Variants in C11orf54 observed in about 807,000 individuals in gnomAD.
C11orf54 encodes beta-keto-L-gulonate decarboxylase, also known as beta-keto L-gulonate decarboxylase.
C11orf54 carries 29 observed loss-of-function variants against 35.5 expected under a neutral mutation model. That is an observed-to-expected ratio of 0.82 (90% CI 0.61 to 1.11). The LOEUF (loss-of-function observed/expected upper bound fraction) is 1.11, where lower values mean the gene tolerates loss of function less well. Among genes scored for constraint, C11orf54 ranks in the 50% most tolerant of loss-of-function variants. C11orf54 has a pLI of 0.00. For synonymous variants in C11orf54, 108 were observed against 121.1 expected (o/e 0.89, Z 0.71); for missense variants, 373 against 369.2 (o/e 1.01, Z -0.08).
chr11:93,753,120 T>C (rs1942934847), intron 3 of C11orf54, among the ~76,000 whole-genome samples: 1 of 152,002 alleles, frequency 6.6e-6, no homozygotes, highest in Non-Finnish European at 1.5e-5. Flanking sequence ...GTAGCTGGGA[T>C]TATAGGCTCC....
intron 6 of C11orf54, among the ~76,000 whole-genome samples, chr11:93,755,752 C>CA (rs11452678): frequency 0.61 from 66,954 of 109,654 alleles, 18,421 homozygotes; most frequent in Admixed American, 0.7. Flanking sequence ...GACTCTGTCT[C>CA]AAAAAAAAAA....
intron 1 of C11orf54, among the ~76,000 whole-genome samples, chr11:93,745,196 G>A (rs1942391717): frequency 6.6e-6 from 1 of 152,136 alleles, no homozygotes; most frequent in Non-Finnish European, 1.5e-5. Flanking sequence ...GGAAACAGAG[G>A]CCTTCCTCTT....
In C11orf54 at chr11:93,750,372, T is replaced by C; in HGVS notation, c.82T>C (p.Phe28Leu). The stretch of plus-strand genomic sequence containing the variant: ...TATGCAGAAGGGGTTAAAAGATAAC[T>C]TTGCTGATGTCCAGGTCTCTGTAGT... Reference protein sequence around the residue: ...GVMQKGLKDNFADVQVSVVDC... With the variant: ...GVMQKGLKDNLADVQVSVVDC... Residue 28 changes from phenylalanine (F) to leucine (L), a missense_variant, in exon 3 of 9, where the codon TTT becomes CTT. Physicochemically the swap from Phe to Leu is conservative, Grantham distance 22. Transcript: ENST00000354421. The C allele has an allele frequency of 6.2e-7, 1 of 1,613,822 alleles. No homozygotes were observed.
At chr11:93,758,877 G>C (rs1000698233) in intron 7 of C11orf54, among the ~76,000 whole-genome samples, 20 of 152,252 alleles carry the variant, frequency 1.3e-4, no homozygotes, top group African/African-American at 4.6e-4. Flanking sequence ...GCCAGGGAAG[G>C]CCTGAAGGCT....
chr11:93,760,045 C>G (rs2135676127), intron 8 of C11orf54, among the ~76,000 whole-genome samples, 187 bp downstream of exon 8: 1 of 152,290 alleles, frequency 6.6e-6, no homozygotes, highest in Non-Finnish European at 1.5e-5. Context: ...CTCCTGGGTT[C>G]AAGCGATTCT....
Position 93,761,542 on chromosome 11 carries a change from C to A in C11orf54, c.802C>A (p.His268Asn). 1 of 1,610,720 alleles carries A rather than the reference C, an allele frequency of 6.2e-7. No homozygotes were observed. Among genetic ancestry groups the A allele is most frequent in the East Asian group, 2.2e-5 (1 of 44,702 alleles). Residue 268 changes from histidine (H) to asparagine (N), a missense_variant, in exon 9 of 9, where the codon CAT becomes AAT. Physicochemically the swap from His to Asn is moderately conservative, Grantham distance 68 (BLOSUM62 1). Transcript: ENST00000354421. ...GTTTGATTTGCGACTGGAGCACACTCATTTTTTTAGTCGTCATGGAGAAGG... is the reference window on the plus strand; with the variant it reads ...GTTTGATTTGCGACTGGAGCACACTAATTTTTTTAGTCGTCATGGAGAAGG... ...PGFDLRLEHT[H>N]FFSRHGEGGH...
intron 3 of C11orf54, 78 bp from the exon 4 acceptor site, chr11:93,753,604 G>A (rs1942958908): frequency 6.4e-6 from 8 of 1,253,354 alleles, no homozygotes; most frequent in South Asian, 2.5e-5. Flanking sequence ...GTTATATACT[G>A]TTGGCATTTT....
chr11:93,743,417 T>A (rs1942261074), intron 1 of C11orf54, among the ~76,000 whole-genome samples: 1 of 152,216 alleles, frequency 6.6e-6, no homozygotes. Flanking sequence ...GCGGCTGCGG[T>A]GCCTCACTTA....
chr11:93,750,529 A>G, intron 3 of C11orf54, 85 bp downstream of exon 3: 1 of 1,053,712 alleles, frequency 9.5e-7, no homozygotes, highest in Admixed American at 2.0e-5. Context: ...ATCTTAAATT[A>G]TCTACAAATA....
chr11:93,750,531 C>A, intron 3 of C11orf54, 87 bp downstream of exon 3: 1 of 1,047,074 alleles, frequency 9.6e-7, no homozygotes, highest in Non-Finnish European at 1.4e-6. Flanking sequence ...CTTAAATTAT[C>A]TACAAATAAA....
chr11:93,750,290 C>A, intron 2 of C11orf54, 56 bp from the exon 3 acceptor site: 1 of 1,395,406 alleles, frequency 7.2e-7, no homozygotes, highest in East Asian at 2.3e-5. Flanking sequence ...ACTTTTGATA[C>A]GTGGTAGCCA....
chr11:93,758,199 T>G lies in C11orf54; in HGVS notation c.657+734T>G, dbSNP rs137875044. Among the ~76,000 whole-genome samples the G allele has an allele frequency of 3.8e-3, 584 of 152,234 alleles. 9 individuals carry two copies. Among genetic ancestry groups the G allele is most frequent in the African/African-American group, 0.013 (558 of 41,536 alleles). ...GGCACGGCTGAGGCTACACACTCTA[T>G]GGAGCGGGTGGGAGCTGAAGACAGG... is the stretch of plus-strand genomic sequence containing the variant. On this transcript the variant is annotated intron_variant, in intron 7 of 8. Transcript: ENST00000354421.
chr11:93,759,465 G>A (rs1943340676), intron 7 of C11orf54, among the ~76,000 whole-genome samples: 1 of 152,074 alleles, frequency 6.6e-6, no homozygotes, highest in Non-Finnish European at 1.5e-5. Flanking sequence ...ATGGACACAG[G>A]GAGGGGAACA....
chr11:93,756,153 CAAGA>C (rs1943133058), intron 6 of C11orf54, among the ~76,000 whole-genome samples: 1 of 97,092 alleles, frequency 1.0e-5, no homozygotes, highest in Non-Finnish European at 2.0e-5. Flanking sequence ...GGCAACAAAG[CAAGA>C]CTCTGTCTCC....
Position 93,747,449 on chromosome 11 carries a change from G to A in C11orf54, c.55+1G>A, listed in dbSNP as rs970894732. On this transcript the variant is annotated splice_donor_variant, in intron 2 of 8. Coordinates refer to ENST00000354421, the MANE Select transcript of C11orf54 (RefSeq NM_001286069.2). LOFTEE classifies it high-confidence loss of function. The stretch of plus-strand genomic sequence containing the variant: ...CCAAGTCTTGAAGAGCTTGCTGGAG[G>A]TAAAAACAATATTAACTTTGGATTT... 3.8e-6 allele frequency: 6 copies of A among 1,584,028 alleles called. No homozygotes were observed. The East Asian group carries it at 9.2e-5, about 24-fold the overall frequency.
rs1332536721 is a variant in C11orf54 at position 93,753,757 on chromosome 11, T to G, written c.228+2T>G. ...TTGCCTCTTGTAAACCAAAAAAAAG[T>G]AAGTACTTTTACTCTGCATATTCAC... is the stretch of plus-strand genomic sequence containing the variant. On this transcript the variant is annotated splice_donor_variant, in intron 4 of 8. Transcript: ENST00000354421. LOFTEE classifies it high-confidence loss of function. The G allele has an allele frequency of 6.2e-7, 1 of 1,612,954 alleles. No individual in the cohort carries two copies. Among genetic ancestry groups the G allele is most frequent in the African/African-American group, 1.3e-5 (1 of 74,888 alleles).
chr11:93,754,176 T>A (rs1490274560), intron 5 of C11orf54, 139 bp downstream of exon 5: 4 of 710,110 alleles, frequency 5.6e-6, no homozygotes, highest in African/African-American at 1.8e-5. Context: ...TGTAGATTTC[T>A]GCTATAGCAC....
At chr11:93,744,679 AATT>A (rs1942345363) in intron 1 of C11orf54, among the ~76,000 whole-genome samples, 1 of 152,246 alleles carries the variant, frequency 6.6e-6, no homozygotes, top group Admixed American at 6.5e-5. Context: ...AACAATTATA[AATT>A]ATTCAACCCA....
chr11:93,753,829 G>A, intron 4 of C11orf54, 74 bp downstream of exon 4: 12 of 1,553,572 alleles, frequency 7.7e-6, no homozygotes, highest in Non-Finnish European at 1.1e-5. Context: ...ATTATTAGAA[G>A]ACCTGTTGAT....
Sources: gnomAD v4.1 joint callset for allele counts (sites outside exome capture counted in the v4.1 genomes callset) on GRCh38, gnomAD v4.1.1 for gene constraint, MANE v1.5 for transcripts, NCBI Gene and HGNC (gene_info 2026-07-23, HGNC 2026-07-21) for gene names.